Variants in CCNB1 observed in about 807,000 individuals in gnomAD.
The protein encoded by CCNB1 is cyclin B1.
CCNB1 carries 26 observed loss-of-function variants against 44.4 expected under a neutral mutation model. The observed-to-expected ratio is 0.59, with a 90% confidence interval of 0.43 to 0.81. The LOEUF is 0.81. CCNB1 is among the 40% of genes least tolerant of loss of function. The probability of loss-of-function intolerance (pLI) is 0.00; values close to 1 mark genes in which losing one functional copy is unlikely to be tolerated. For synonymous variants in CCNB1, 195 were observed against 181.4 expected (o/e 1.08, Z -0.60); for missense variants, 477 against 520.9 (o/e 0.92, Z 0.82).
At position 69,175,471 on chromosome 5, in the gene CCNB1, T is replaced by G. The variant is rs560343547; in HGVS notation, c.1017T>G (p.Phe339Leu). 4 of 1,614,014 alleles carry G rather than the reference T, an allele frequency of 2.5e-6. No homozygotes were observed. Among genetic ancestry groups the G allele is most frequent in the African/African-American group, 2.7e-5 (2 of 74,952 alleles). The stretch of plus-strand genomic sequence containing the variant: ...TGTTGGACTATGACATGGTGCACTT[T>G]CCTCCTTCTCAAATTGCAGCAGGAG... Reference protein sequence around the residue: ...LTMLDYDMVHFPPSQIAAGAF... With the variant: ...LTMLDYDMVHLPPSQIAAGAF... Residue 339 changes from phenylalanine (F) to leucine (L), a missense_variant, in exon 7 of 9, where the codon TTT becomes TTG. Transcript: ENST00000256442.
intron 3 of CCNB1, among the ~76,000 whole-genome samples, chr5:69,168,753 G>T (rs989324243): frequency 1.3e-5 from 2 of 152,170 alleles, no homozygotes; most frequent in African/African-American, 4.8e-5. Flanking sequence ...ATTTATTGGC[G>T]TAAACATAGA....
In CCNB1 at chr5:69,169,930, G is replaced by A. The variant is rs368434129; in HGVS notation, c.364-1340G>A. ...CTCCCAAAGTGCTGGGATTACAGGT[G>A]TGAGCCACCATGCCCAGCCTTAGTC... On this transcript the variant is annotated intron_variant, in intron 3 of 8. Transcript: ENST00000256442. Among the ~76,000 whole-genome samples, 6 of 151,602 alleles carry A rather than the reference G, an allele frequency of 4.0e-5. No homozygotes were observed. The East Asian group carries it at 1.2e-3, about 29-fold the overall frequency.
chr5:69,177,479 T>G (rs1271995071), intron 8 of CCNB1, 45 bp from the exon 9 acceptor site: 9 of 1,337,904 alleles, frequency 6.7e-6, no homozygotes, highest in Non-Finnish European at 6.2e-6. Context: ...CATCTTGTGA[T>G]TTTTTTTCTT....
At chr5:69,175,840 T>G (rs1464685623) in intron 7 of CCNB1, among the ~76,000 whole-genome samples, 1 of 151,884 alleles carries the variant, frequency 6.6e-6, no homozygotes, top group Non-Finnish European at 1.5e-5. Context: ...ATGGGTAATA[T>G]GCCCACATTG....
chr5:69,175,221 G>A, intron 6 of CCNB1, 108 bp downstream of exon 6: 1 of 1,028,380 alleles, frequency 9.7e-7, no homozygotes, highest in South Asian at 1.5e-5. Context: ...ACTACATGGG[G>A]AAGGGATAAA....
intron 6 of CCNB1, 82 bp from the exon 7 acceptor site, chr5:69,175,315 G>A: frequency 3.9e-6 from 5 of 1,284,854 alleles, no homozygotes; most frequent in Non-Finnish European, 2.2e-6. Flanking sequence ...AACATTTGTA[G>A]TTAAAGATAC....
Position 69,177,734 on chromosome 5 carries a change from CCTTTTA to C in CCNB1, c.*109_*114del. ...TTTACTTTTAATAAAGCTTGTGGCC[CCTTTTA>C]CTTTTTTATAGCTTAACTAATTTGA... On this transcript the variant is annotated 3_prime_UTR_variant, in exon 9 of 9. Coordinates refer to ENST00000256442, the MANE Select transcript of CCNB1 (RefSeq NM_031966.4). 1 of 704,760 alleles carries C rather than the reference CCTTTTA, an allele frequency of 1.4e-6. No individual in the cohort carries two copies. 43.7% of individuals were successfully genotyped at this position (704,760 alleles called of 1,614,324 possible).
At chr5:69,170,518 G>A (rs990399181) in intron 3 of CCNB1, among the ~76,000 whole-genome samples, 1 of 152,174 alleles carries the variant, frequency 6.6e-6, no homozygotes, top group African/African-American at 2.4e-5. Flanking sequence ...AGACTGAATT[G>A]TCATTTATTT....
At chr5:69,175,770 G>C (rs924104999) in intron 7 of CCNB1, among the ~76,000 whole-genome samples, 2 of 151,936 alleles carry the variant, frequency 1.3e-5, no homozygotes, top group Non-Finnish European at 2.9e-5. Flanking sequence ...TGCAACATCA[G>C]CCTCCAGAGT....
chr5:69,167,481 G>T, intron 1 of CCNB1, 198 bp downstream of exon 1: 1 of 589,462 alleles, frequency 1.7e-6, no homozygotes, highest in South Asian at 1.9e-5. Context: ...GATGGAGGGA[G>T]GAAGGTGAGA....
Position 69,167,207 on chromosome 5 carries a change from G to T in CCNB1, c.-56G>T. ...GCTGGGTGTAGGTCCTTGGCTGGTC[G>T]GGCCTCCGGTGTTCTGCTTCTCCCC... On this transcript the variant is annotated 5_prime_UTR_variant, in exon 1 of 9. Coordinates refer to ENST00000256442, the MANE Select transcript of CCNB1 (RefSeq NM_031966.4). The T allele has an allele frequency of 6.7e-7, 1 of 1,491,170 alleles. No individual in the cohort carries two copies. The allele number at this position is 1,491,170 out of a possible 1,614,324, so 92.4% of individuals were successfully genotyped here.
chr5:69,177,403 TAATGCCTGCA>T, intron 8 of CCNB1, 54 bp downstream of exon 8: 1 of 1,316,024 alleles, frequency 7.6e-7, no homozygotes, highest in Non-Finnish European at 1.1e-6. Context: ...AATTCAAACT[TAATGCCTGCA>T]AATGCCTGGT....
intron 4 of CCNB1, among the ~76,000 whole-genome samples, chr5:69,173,397 A>G (rs1020283504): frequency 3.9e-5 from 6 of 152,204 alleles, no homozygotes; most frequent in East Asian, 1.9e-4. Context: ...TAATGTATAC[A>G]ATAATATCAA....
intron 3 of CCNB1, among the ~76,000 whole-genome samples, chr5:69,169,006 A>G (rs8192262): frequency 2.5e-3 from 375 of 152,296 alleles, no homozygotes; most frequent in Middle Eastern, 0.01. Flanking sequence ...CTTTGATGAA[A>G]TTGCAATGAA....
Position 69,177,457 on chromosome 5 carries a change from C to A in CCNB1, c.1195-67C>A, listed in dbSNP as rs1747621184. Reference sequence around the variant, plus strand: ...AATGAGTTAATGTTTTAAATGAATACCTGTATCATTGCATCTTGTGATTTT... The same window carrying A: ...AATGAGTTAATGTTTTAAATGAATAACTGTATCATTGCATCTTGTGATTTT... On this transcript the variant is annotated intron_variant, in intron 8 of 8. Transcript: ENST00000256442. The A allele has an allele frequency of 4.9e-6, 6 of 1,231,182 alleles. No homozygotes were observed. In the South Asian group the frequency reaches 4.9e-5, roughly 10 times the overall value. 76.3% of individuals were successfully genotyped at this position (1,231,182 alleles called of 1,614,324 possible).
intron 7 of CCNB1, among the ~76,000 whole-genome samples, chr5:69,175,743 G>T (rs1747571017): frequency 6.6e-6 from 1 of 152,008 alleles, no homozygotes; most frequent in Non-Finnish European, 1.5e-5. Flanking sequence ...GAGTGCAGTG[G>T]TGCAGTCTTG....
intron 5 of CCNB1, 39 bp downstream of exon 5, chr5:69,174,448 A>G (rs771676486): frequency 6.2e-7 from 1 of 1,600,280 alleles, no homozygotes; most frequent in South Asian, 1.1e-5. Context: ...CCAGGATTCT[A>G]GCCGAGTCAT....
intron 4 of CCNB1, among the ~76,000 whole-genome samples, chr5:69,172,326 C>T (rs371436741): frequency 1.4e-3 from 210 of 152,236 alleles, no homozygotes; most frequent in African/African-American, 4.8e-3. Context: ...GTGGTGCAAT[C>T]TCGGCTCAGT....
In CCNB1 at chr5:69,175,384, G is replaced by T. The variant is rs1747561072; in HGVS notation, c.943-13G>T. The T allele has an allele frequency of 6.2e-7, 1 of 1,610,914 alleles. No homozygotes were observed. The highest frequency in any genetic ancestry group is 8.5e-7 in the Non-Finnish European group (1 of 1,178,842). On this transcript the variant is annotated splice_polypyrimidine_tract_variant and intron_variant, in intron 6 of 8. Transcript: ENST00000256442. The stretch of plus-strand genomic sequence containing the variant: ...TTTCTGAAAGAAACTCAGTAACATG[G>T]GTTTTGTTTCAGGTTGATGTCGAGC...
Sources: allele counts gnomAD v4.1 joint callset (sites outside exome capture counted in the v4.1 genomes callset), GRCh38; gene constraint gnomAD v4.1.1; transcripts MANE v1.5; gene names NCBI Gene and HGNC (gene_info 2026-07-23, HGNC 2026-07-21).